Variants in CTNND2 observed in about 807,000 individuals in gnomAD.
CTNND2 encodes the protein catenin delta 2.
A neutral mutation model predicts 144.4 loss-of-function variants in CTNND2; 22 were observed. The observed-to-expected ratio is 0.15, with a 90% CI of 0.11 to 0.22. The LOEUF is 0.22. CTNND2 is among the 10% of genes least tolerant of loss of function. CTNND2 has a pLI of 1.00. For synonymous variants in CTNND2, 751 were observed against 695.6 expected (o/e 1.08, Z -1.25); for missense variants, 1,353 against 1,618.8 (o/e 0.84, Z 2.82).
chr5:11,084,318 C>T (rs749348000), intron 15 of CTNND2, among the ~76,000 whole-genome samples: 4 of 152,168 alleles, frequency 2.6e-5, no homozygotes. Flanking sequence ...CAATTTCCAT[C>T]GATGCATTTA....
At position 11,042,251 on chromosome 5, in the gene CTNND2, G is replaced by A. The variant is rs779308414; in HGVS notation, c.2789-19272C>T. Among the ~76,000 whole-genome samples, 95 of 152,208 alleles carry A rather than the reference G, an allele frequency of 6.2e-4. 1 individual carries two copies. Among genetic ancestry groups the A allele is most frequent in the Admixed American group, 9.2e-4 (14 of 15,290 alleles). ...CTTAAATTAATGTTGATGAAAACTA[G>A]AACTAAAAGAAAAACTCTTACTATG... On this transcript the variant is annotated intron_variant, in intron 16 of 21. Transcript: ENST00000304623.
At chr5:11,274,167 G>C (rs1746292276) in intron 9 of CTNND2, among the ~76,000 whole-genome samples, 1 of 152,122 alleles carries the variant, frequency 6.6e-6, no homozygotes, top group African/African-American at 2.4e-5. Context: ...CTGAGCCAAG[G>C]TACTTTCTAT....
intron 3 of CTNND2, among the ~76,000 whole-genome samples, chr5:11,537,469 T>G (rs923988418): frequency 6.6e-6 from 1 of 152,224 alleles, no homozygotes; most frequent in Non-Finnish European, 1.5e-5. Context: ...AGAATTTATA[T>G]ACATCGTTCA....
At chr5:11,061,030 G>A (rs922917683) in intron 16 of CTNND2, among the ~76,000 whole-genome samples, 2 of 151,732 alleles carry the variant, frequency 1.3e-5, no homozygotes, top group African/African-American at 4.9e-5. Flanking sequence ...AATGAATATT[G>A]TCGGCTTTCT....
intron 3 of CTNND2, among the ~76,000 whole-genome samples, chr5:11,450,250 T>A (rs567375560): frequency 6.6e-6 from 1 of 152,176 alleles, no homozygotes; most frequent in Non-Finnish European, 1.5e-5. Flanking sequence ...CTGTCAAAGG[T>A]GCTATTGGTA....
chr5:11,065,756 T>C (rs1747501203), intron 16 of CTNND2, among the ~76,000 whole-genome samples: 1 of 152,226 alleles, frequency 6.6e-6, no homozygotes, highest in South Asian at 2.1e-4. Context: ...TGGCATAACA[T>C]TATGTGACAA....
intron 2 of CTNND2, among the ~76,000 whole-genome samples, chr5:11,662,304 G>C (rs1377281766): frequency 2.0e-5 from 3 of 149,646 alleles, no homozygotes; most frequent in African/African-American, 7.4e-5. Context: ...CAGAGAGAGA[G>C]AGGGTTTATT....
intron 3 of CTNND2, among the ~76,000 whole-genome samples, chr5:11,434,032 G>A (rs114710128): frequency 0.015 from 2,282 of 152,264 alleles, 70 homozygotes; most frequent in African/African-American, 0.052. Context: ...AATGTACTTA[G>A]TAGTTTTATT....
At chr5:11,431,551 T>C (rs1004346313) in intron 3 of CTNND2, among the ~76,000 whole-genome samples, 2 of 152,184 alleles carry the variant, frequency 1.3e-5, no homozygotes, top group Non-Finnish European at 2.9e-5. Context: ...TATGACCGAA[T>C]GCTTCTTCTT....
At chr5:11,606,114 G>A (rs1300425836) in intron 2 of CTNND2, among the ~76,000 whole-genome samples, 3 of 152,158 alleles carry the variant, frequency 2.0e-5, no homozygotes, top group African/African-American at 4.8e-5. Flanking sequence ...GAAGCCACGA[G>A]CCAAGGAATA....
chr5:11,564,295 T>TCA (rs1307354915), intron 3 of CTNND2, among the ~76,000 whole-genome samples: 1 of 152,182 alleles, frequency 6.6e-6, no homozygotes, highest in East Asian at 1.9e-4. Context: ...TATGTCTCTT[T>TCA]CACACACACA....
At chr5:11,213,705 C>T (rs974246566) in intron 10 of CTNND2, among the ~76,000 whole-genome samples, 7 of 152,168 alleles carry the variant, frequency 4.6e-5, no homozygotes, top group Non-Finnish European at 7.3e-5. Context: ...AGGAGACCTT[C>T]TCCCAGGCAT....
chr5:11,199,276 G>A (rs891056627), intron 11 of CTNND2, among the ~76,000 whole-genome samples, 172 bp downstream of exon 11: 2 of 152,124 alleles, frequency 1.3e-5, no homozygotes, highest in Non-Finnish European at 2.9e-5. Flanking sequence ...ATCCATGCAT[G>A]TCACATCTGA....
intron 9 of CTNND2, among the ~76,000 whole-genome samples, chr5:11,290,462 C>T (rs1418596643): frequency 6.6e-6 from 1 of 152,182 alleles, no homozygotes; most frequent in Admixed American, 6.5e-5. Flanking sequence ...TTGACCATTT[C>T]TACCTCTACC....
chr5:11,039,898 C>G (rs1294117286), intron 16 of CTNND2, among the ~76,000 whole-genome samples: 1 of 152,026 alleles, frequency 6.6e-6, no homozygotes, highest in Non-Finnish European at 1.5e-5. Flanking sequence ...CCCATCTCTA[C>G]TAAAAATGCA....
At chr5:11,520,288 C>T (rs1175789623) in intron 3 of CTNND2, among the ~76,000 whole-genome samples, 5 of 152,166 alleles carry the variant, frequency 3.3e-5, no homozygotes. Context: ...CCAACTGCCC[C>T]TCAATGGTTG....
intron 3 of CTNND2, among the ~76,000 whole-genome samples, chr5:11,541,256 C>T (rs72732981): frequency 0.016 from 2,373 of 152,224 alleles, 31 homozygotes; most frequent in South Asian, 0.044. Context: ...GCTTCCTAGG[C>T]GATTCTAATA....
At chr5:11,821,719 T>C (rs1046075393) in intron 1 of CTNND2, among the ~76,000 whole-genome samples, 1 of 152,198 alleles carries the variant, frequency 6.6e-6, no homozygotes, top group Non-Finnish European at 1.5e-5. Flanking sequence ...GAAGTGTCAA[T>C]GGCAATGGCC....
At chr5:11,493,484 T>C (rs1769645768) in intron 3 of CTNND2, among the ~76,000 whole-genome samples, 2 of 152,224 alleles carry the variant, frequency 1.3e-5, no homozygotes, top group Non-Finnish European at 2.9e-5. Flanking sequence ...ACTTCTGCCA[T>C]TGAATTAACT....
Sources: allele counts gnomAD v4.1 joint callset (sites outside exome capture counted in the v4.1 genomes callset), GRCh38; gene constraint gnomAD v4.1.1; transcripts MANE v1.5; gene names NCBI Gene and HGNC (gene_info 2026-07-23, HGNC 2026-07-21).